SGCZ: variants seen among roughly 807,000 people sequenced by gnomAD.
SGCZ encodes the protein sarcoglycan zeta.
SGCZ carries 40 observed loss-of-function variants against 41.3 expected under a neutral mutation model. The ratio of observed to expected loss-of-function variants is 0.97; its 90% CI spans 0.75 to 1.26. SGCZ has a LOEUF of 1.26. Among genes scored for constraint, SGCZ ranks in the 50% most tolerant of loss-of-function variants. The pLI, the probability that SGCZ is intolerant of heterozygous loss-of-function variation, is 0.00. For missense variants in SGCZ, 552 were observed against 369.8 expected (o/e 1.49, Z -4.04); for synonymous variants, 206 against 137.5 (o/e 1.50, Z -3.49).
intron 1 of SGCZ, among the ~76,000 whole-genome samples, chr8:14,981,150 T>C (rs1461639584): frequency 1.3e-5 from 2 of 152,264 alleles, no homozygotes; most frequent in East Asian, 3.9e-4. Flanking sequence ...TCACTGAAAC[T>C]CCTCCTAATG....
chr8:14,676,033 A>C (rs963140016), intron 1 of SGCZ, among the ~76,000 whole-genome samples: 48 of 152,204 alleles, frequency 3.2e-4, no homozygotes, highest in Admixed American at 3.1e-3. Flanking sequence ...TGAGAAAACT[A>C]CTGAGACCAG....
At chr8:14,415,578 G>C (rs189288187) in intron 2 of SGCZ, among the ~76,000 whole-genome samples, 1 of 151,946 alleles carries the variant, frequency 6.6e-6, no homozygotes, top group Non-Finnish European at 1.5e-5. Flanking sequence ...ATTACAGTAA[G>C]TGAGACAGTT....
At chr8:15,012,652 A>AAT (rs1802879431) in intron 1 of SGCZ, among the ~76,000 whole-genome samples, 1 of 94,690 alleles carries the variant, frequency 1.1e-5, no homozygotes, top group South Asian at 2.9e-4. Context: ...AACTATATAT[A>AAT]ATATATAATA....
chr8:14,455,991 A>T (rs563634560), intron 2 of SGCZ, among the ~76,000 whole-genome samples: 1 of 152,116 alleles, frequency 6.6e-6, no homozygotes, highest in African/African-American at 2.4e-5. Flanking sequence ...AGGGGAGGGG[A>T]TGCGGAGTGA....
At chr8:14,474,255 T>A (rs1001451504) in intron 2 of SGCZ, among the ~76,000 whole-genome samples, 1 of 152,238 alleles carries the variant, frequency 6.6e-6, no homozygotes, top group Non-Finnish European at 1.5e-5. Flanking sequence ...CACTTTTGAT[T>A]TGCATTATCA....
chr8:14,613,396 T>C (rs1805992330), intron 1 of SGCZ, among the ~76,000 whole-genome samples: 1 of 152,266 alleles, frequency 6.6e-6, no homozygotes, highest in South Asian at 2.1e-4. Context: ...AATAGCAAAA[T>C]ACCCTAGTAT....
At chr8:14,365,863 T>C (rs1355712071) in intron 2 of SGCZ, among the ~76,000 whole-genome samples, 1 of 152,148 alleles carries the variant, frequency 6.6e-6, no homozygotes, top group Non-Finnish European at 1.5e-5. Flanking sequence ...TATATTGATT[T>C]CCTTGTTTTG....
At chr8:14,427,049 T>TGAATGAATGAATGAGTGAATGAAG (rs1563321960) in intron 2 of SGCZ, among the ~76,000 whole-genome samples, 2 of 143,212 alleles carry the variant, frequency 1.4e-5, no homozygotes, top group African/African-American at 4.9e-5. Flanking sequence ...AATGAATGAA[T>TGAATGAATGAATGAGTGAATGAAG]GAATGAATGA....
chr8:14,318,857 A>C (rs1440430111), intron 3 of SGCZ, among the ~76,000 whole-genome samples: 1 of 151,930 alleles, frequency 6.6e-6, no homozygotes, highest in Non-Finnish European at 1.5e-5. Flanking sequence ...TTTTAATAAA[A>C]CCAAACTCAT....
At chr8:14,224,325 G>A (rs987378144) in intron 4 of SGCZ, among the ~76,000 whole-genome samples, 4 of 152,082 alleles carry the variant, frequency 2.6e-5, no homozygotes, top group African/African-American at 9.7e-5. Flanking sequence ...ATTGCAATGA[G>A]GTTCAGTATT....
intron 1 of SGCZ, among the ~76,000 whole-genome samples, chr8:15,186,814 C>T (rs1800362044): frequency 6.6e-6 from 1 of 152,140 alleles, no homozygotes; most frequent in Admixed American, 6.5e-5. Flanking sequence ...ATTGATTTTG[C>T]CCAAAGTATT....
Position 14,252,489 on chromosome 8 carries a change from T to A in SGCZ, c.337-14810A>T, listed in dbSNP as rs568131294. Among the ~76,000 whole-genome samples the A allele has an allele frequency of 2.6e-5, 4 of 152,320 alleles. No homozygotes were observed. The South Asian group carries it at 8.3e-4, about 32-fold the overall frequency. On this transcript the variant is annotated intron_variant, in intron 3 of 7. Transcript: ENST00000382080. ...ATCTAAACTTGTGAATAATTGTTTC[T>A]GTTAAATTTCACTCGAGGTAGCCCA... is the stretch of plus-strand genomic sequence containing the variant.
At chr8:14,631,261 G>C (rs1806643060) in intron 1 of SGCZ, among the ~76,000 whole-genome samples, 2 of 145,768 alleles carry the variant, frequency 1.4e-5, no homozygotes, top group African/African-American at 5.1e-5. Context: ...TAAAGGTAGT[G>C]ATAATACAGA....
intron 1 of SGCZ, among the ~76,000 whole-genome samples, chr8:14,795,481 C>A (rs1585266664): frequency 6.6e-6 from 1 of 151,988 alleles, no homozygotes; most frequent in East Asian, 1.9e-4. Flanking sequence ...TTCTTGCTGT[C>A]ACCCATGCTG....
chr8:14,550,521 A>T (rs759161461), intron 2 of SGCZ, among the ~76,000 whole-genome samples: 11 of 151,994 alleles, frequency 7.2e-5, no homozygotes, highest in Non-Finnish European at 1.6e-4. Flanking sequence ...TTAAAGTGTC[A>T]GTGATGACAG....
intron 2 of SGCZ, among the ~76,000 whole-genome samples, chr8:14,427,059 AATGAATGAGTG>A (rs1390224719): frequency 7.1e-6 from 1 of 140,214 alleles, no homozygotes; most frequent in Non-Finnish European, 1.6e-5. Context: ...TGAATGAATG[AATGAATGAGTG>A]AATGAACGAA....
At chr8:14,303,552 A>G (rs1170667082) in intron 3 of SGCZ, among the ~76,000 whole-genome samples, 4 of 152,180 alleles carry the variant, frequency 2.6e-5, no homozygotes, top group Non-Finnish European at 5.9e-5. Context: ...ACAATATGTC[A>G]GTGGATTCTT....
chr8:14,355,714 C>G (rs1002273070), intron 2 of SGCZ, among the ~76,000 whole-genome samples: 12 of 151,968 alleles, frequency 7.9e-5, no homozygotes, highest in South Asian at 4.1e-4. Context: ...AATTAAAAGA[C>G]TCTCTGTGGA....
intron 1 of SGCZ, among the ~76,000 whole-genome samples, chr8:14,597,460 C>A (rs962463021): frequency 1.3e-5 from 2 of 152,096 alleles, no homozygotes; most frequent in African/African-American, 4.8e-5. Flanking sequence ...ATGCAATATT[C>A]ATTCCTTTTT....
Sources: gnomAD v4.1 joint callset for allele counts (sites outside exome capture counted in the v4.1 genomes callset) on GRCh38, gnomAD v4.1.1 for gene constraint, MANE v1.5 for transcripts, NCBI Gene and HGNC (gene_info 2026-07-23, HGNC 2026-07-21) for gene names.